Variants in SYT14 observed in about 807,000 individuals in gnomAD.
The protein encoded by SYT14 is synaptotagmin 14.
Under a neutral mutation model 74.2 loss-of-function variants are expected in SYT14, and 32 were observed. The ratio of observed to expected loss-of-function variants is 0.43; its 90% confidence interval spans 0.33 to 0.58. The LOEUF (loss-of-function observed/expected upper bound fraction) is 0.58, where lower values mean the gene tolerates loss of function less well. Ranked by LOEUF, SYT14 falls within the 20% of genes least tolerant of loss-of-function variation. SYT14 has a pLI of 0.05. For synonymous variants in SYT14, 298 were observed against 337.7 expected, an observed-to-expected ratio of 0.88 and a Z score of 1.29; for missense variants, 791 against 981.8, an observed-to-expected ratio of 0.81 and a Z score of 2.60.
chr1:210,129,099 TC>T lies in SYT14; in HGVS notation c.2035-26618del, dbSNP rs565004319. Among the ~76,000 whole-genome samples the T allele has an allele frequency of 7.2e-3, 1,098 of 152,268 alleles. 7 individuals carry two copies. The highest frequency in any genetic ancestry group is 0.012 in the Non-Finnish European group (819 of 68,020). On this transcript the variant is annotated intron_variant, in intron 7 of 9. Transcript: ENST00000637265. ...TTAAGAAAAGTTTCCTTTTTAGAAA[TC>T]CCCTACCATCATTTAATCATATAAA...
intron 7 of SYT14, among the ~76,000 whole-genome samples, chr1:210,123,282 G>A (rs1416323716): frequency 6.6e-6 from 1 of 152,150 alleles, no homozygotes; most frequent in Non-Finnish European, 1.5e-5. Context: ...GCTGGAAAGA[G>A]GGCATCAGCA....
At chr1:210,072,044 CT>C (rs2081404495) in intron 5 of SYT14, among the ~76,000 whole-genome samples, 1 of 150,900 alleles carries the variant, frequency 6.6e-6, no homozygotes, top group Admixed American at 6.6e-5. Flanking sequence ...ATGTTTATAC[CT>C]TTTTAAAAAT....
At chr1:209,972,910 T>G (rs1295031749) in intron 2 of SYT14, among the ~76,000 whole-genome samples, 1 of 152,222 alleles carries the variant, frequency 6.6e-6, no homozygotes, top group African/African-American at 2.4e-5. Context: ...TTGTTGGTTT[T>G]CTGCCACGAT....
intron 5 of SYT14, among the ~76,000 whole-genome samples, chr1:210,025,640 AG>A (rs142341058): frequency 0.027 from 4,043 of 152,164 alleles, 191 homozygotes; most frequent in African/African-American, 0.091. Context: ...AAGATTAGAG[AG>A]GACCTGAAGA....
chr1:210,062,218 C>T (rs577311709), intron 5 of SYT14, among the ~76,000 whole-genome samples: 8 of 151,810 alleles, frequency 5.3e-5, no homozygotes, highest in African/African-American at 9.6e-5. Context: ...TTTAAGTACA[C>T]GACAGTATAT....
chr1:210,042,661 G>C (rs535943277), intron 5 of SYT14, among the ~76,000 whole-genome samples: 1 of 152,294 alleles, frequency 6.6e-6, no homozygotes, highest in African/African-American at 2.4e-5. Flanking sequence ...TCAAAGATCA[G>C]ATGGTTGTAG....
exon 10 of SYT14, chr1:210,161,814 A>G (rs760820027): frequency 4.4e-6 from 2 of 453,786 alleles, no homozygotes; most frequent in South Asian, 3.1e-5. Context: ...TGTTGAAAGC[A>G]CTTCCTGTAT....
intron 2 of SYT14, among the ~76,000 whole-genome samples, chr1:209,974,599 G>A (rs1370104250): frequency 1.3e-5 from 2 of 152,144 alleles, no homozygotes. Flanking sequence ...GTACCATGCT[G>A]TTTTGGTTAC....
At chr1:210,103,982 C>T (rs1429405323) in intron 7 of SYT14, among the ~76,000 whole-genome samples, 2 of 152,190 alleles carry the variant, frequency 1.3e-5, no homozygotes, top group African/African-American at 2.4e-5. Context: ...CCCCGTCTCA[C>T]TGGTAGATAT....
chr1:209,956,159 A>G (rs918969651), intron 2 of SYT14, among the ~76,000 whole-genome samples: 2 of 152,084 alleles, frequency 1.3e-5, no homozygotes, highest in African/African-American at 4.8e-5. Flanking sequence ...CCTTCCCGCT[A>G]TATTGAAGTA....
chr1:210,047,165 A>G (rs771334797), intron 5 of SYT14, among the ~76,000 whole-genome samples: 13 of 152,168 alleles, frequency 8.5e-5, no homozygotes, highest in Non-Finnish European at 1.6e-4. Context: ...ATATTACTTT[A>G]TCATTAGATT....
At chr1:210,039,388 A>T (rs1264401245) in intron 5 of SYT14, among the ~76,000 whole-genome samples, 2 of 152,068 alleles carry the variant, frequency 1.3e-5, no homozygotes, top group Non-Finnish European at 2.9e-5. Context: ...CCCAATCAAG[A>T]TGGATTAAAG....
intron 8 of SYT14, among the ~76,000 whole-genome samples, chr1:210,158,166 A>G (rs1470504012): frequency 6.6e-6 from 1 of 152,228 alleles, no homozygotes; most frequent in African/African-American, 2.4e-5. Flanking sequence ...GGAGAAAAGA[A>G]GCAATTTCTA....
At chr1:210,021,561 A>G (rs892915722) in intron 5 of SYT14, among the ~76,000 whole-genome samples, 2 of 152,218 alleles carry the variant, frequency 1.3e-5, no homozygotes, top group Admixed American at 6.5e-5. Flanking sequence ...GTTCTCTCAG[A>G]TGGAATTGGT....
rs369506022 is a variant in SYT14 at position 210,159,527 on chromosome 1, A to G, written c.2281+50A>G. 6.0e-6 allele frequency: 9 copies of G among 1,507,182 alleles called. No homozygotes were observed. The African/African-American group carries it at 9.7e-5, about 16-fold the overall frequency. The allele number at this position is 1,507,182 out of a possible 1,614,324, so 93.4% of individuals were successfully genotyped here. On this transcript the variant is annotated intron_variant, in intron 9 of 9. Coordinates refer to ENST00000637265, the Ensembl canonical transcript of SYT14. ...GATGTTGTCTTTTCATGCAAAACCA[A>G]AATACCCTAAAACTTGCCAGCAGTG...
chr1:210,037,906 A>G (rs937258005), intron 5 of SYT14, among the ~76,000 whole-genome samples: 13 of 152,056 alleles, frequency 8.5e-5, no homozygotes, highest in Non-Finnish European at 1.9e-4. Context: ...AAGAATGTAT[A>G]TTCTGTGGTT....
At chr1:210,060,678 A>T (rs549823569) in intron 5 of SYT14, among the ~76,000 whole-genome samples, 4 of 152,132 alleles carry the variant, frequency 2.6e-5, no homozygotes, top group East Asian at 3.9e-4. Flanking sequence ...GAAAGGAAAA[A>T]ATATATATAT....
In SYT14 at chr1:209,985,142, G is replaced by C. The variant is rs1417847328; in HGVS notation, c.-485-28491G>C. 3.3e-5 allele frequency among the ~76,000 whole-genome samples: 5 copies of C among 152,086 alleles called. No individual in the cohort carries two copies. The East Asian group carries it at 7.7e-4, about 24-fold the overall frequency. Reference sequence around the variant, plus strand: ...CAATAGTCCCCCAAAGTTTTAACTTGTTGCAACACTAAAAATCCAAAGTCT... The same window carrying C: ...CAATAGTCCCCCAAAGTTTTAACTTCTTGCAACACTAAAAATCCAAAGTCT... On this transcript the variant is annotated intron_variant, in intron 2 of 9. Transcript: ENST00000637265.
intron 5 of SYT14, among the ~76,000 whole-genome samples, chr1:210,072,953 T>C (rs1249553331): frequency 6.6e-6 from 1 of 151,192 alleles, no homozygotes. Context: ...GGATAAAAGA[T>C]TAATAACTCT....
Sources: gnomAD v4.1 joint callset for allele counts (sites outside exome capture counted in the v4.1 genomes callset) on GRCh38, gnomAD v4.1.1 for gene constraint, MANE v1.5 for transcripts, NCBI Gene and HGNC (gene_info 2026-07-23, HGNC 2026-07-21) for gene names.